Variants in MFSD1 observed in about 807,000 individuals in gnomAD.
The protein encoded by MFSD1 is major facilitator superfamily domain containing 1, also known as lysosomal dipeptide transporter MFSD1.
Under a neutral mutation model 67.1 loss-of-function variants are expected in MFSD1, and 59 were observed. The ratio of observed to expected loss-of-function variants is 0.88; its 90% CI spans 0.71 to 1.09. MFSD1 has a LOEUF of 1.09. MFSD1 is among the 50% of genes least tolerant of loss of function. MFSD1 has a pLI of 0.00. For missense variants in MFSD1, 552 were observed against 566.1 expected (o/e 0.97, Z 0.25); for synonymous variants, 213 against 200.3 (o/e 1.06, Z -0.54).
chr3:158,823,532 AT>A lies in MFSD1; in HGVS notation c.1175+10del. On this transcript the variant is annotated splice_region_variant and intron_variant, in intron 12 of 15. Coordinates refer to ENST00000415822, the MANE Select transcript of MFSD1 (RefSeq NM_022736.4). ...TGGGAACTGCATATGGCTTGTAAGTATTTACGCTGTGGATCGTATATGTCTG... is the reference window on the plus strand; with the variant it reads ...TGGGAACTGCATATGGCTTGTAAGTATTACGCTGTGGATCGTATATGTCTG... 2 of 1,572,682 alleles carry A rather than the reference AT, an allele frequency of 1.3e-6. No individual in the cohort carries two copies. The highest frequency in any genetic ancestry group is 1.8e-6 in the Non-Finnish European group (2 of 1,142,370).
At chr3:158,808,398 AACTT>A (rs1729831367) in intron 5 of MFSD1, among the ~76,000 whole-genome samples, 1 of 152,184 alleles carries the variant, frequency 6.6e-6, no homozygotes, top group African/African-American at 2.4e-5. Context: ...TAAATATTGA[AACTT>A]ACTGAAGGAA....
intron 2 of MFSD1, among the ~76,000 whole-genome samples, chr3:158,804,658 C>T (rs772898667): frequency 7.9e-5 from 12 of 152,112 alleles, no homozygotes; most frequent in Non-Finnish European, 1.8e-4. Context: ...TTTTTGTTTG[C>T]ATTTCACTCT....
chr3:158,807,869 G>C (rs535596830), intron 5 of MFSD1, among the ~76,000 whole-genome samples: 1 of 152,218 alleles, frequency 6.6e-6, no homozygotes, highest in Admixed American at 6.5e-5. Context: ...AGCTTTGCTT[G>C]AATGAGCACA....
At position 158,829,089 on chromosome 3, in the gene MFSD1, GA is replaced by G; in HGVS notation, c.*110del. ...AGTCATTAGAAAAAATAATGGACTGGAAAGTTATATTTATATCCAAATATAC... is the reference window on the plus strand; with the variant it reads ...AGTCATTAGAAAAAATAATGGACTGGAAGTTATATTTATATCCAAATATAC... On this transcript the variant is annotated 3_prime_UTR_variant, in exon 16 of 16. Transcript: ENST00000415822. 1 of 1,074,432 alleles carries G rather than the reference GA, an allele frequency of 9.3e-7. No individual in the cohort carries two copies. 66.6% of individuals were successfully genotyped at this position (1,074,432 alleles called of 1,614,324 possible).
Position 158,810,274 on chromosome 3 carries a change from G to GT in MFSD1, c.549+993dup, listed in dbSNP as rs1403616673. On this transcript the variant is annotated intron_variant, in intron 6 of 15. Transcript: ENST00000415822. The stretch of plus-strand genomic sequence containing the variant: ...TGTTGGCATTCCCAAATCCCATTAG[G>GT]TTTTTTCTCTCAAGAATTCCCATGA... Among the ~76,000 whole-genome samples the GT allele has an allele frequency of 3.3e-5, 5 of 151,940 alleles. No homozygotes were observed. In the South Asian group the frequency reaches 6.2e-4, roughly 19 times the overall value.
intron 13 of MFSD1, among the ~76,000 whole-genome samples, chr3:158,824,704 G>T (rs1416100493): frequency 6.6e-6 from 1 of 152,150 alleles, no homozygotes; most frequent in Admixed American, 6.5e-5. Flanking sequence ...AATAGCATTT[G>T]TCCATAGGTA....
At chr3:158,823,242 A>T in intron 11 of MFSD1, 186 bp from the exon 12 acceptor site, 1 of 577,986 alleles carries the variant, frequency 1.7e-6, no homozygotes, top group Non-Finnish European at 3.1e-6. Flanking sequence ...TCTTGTCGCT[A>T]AAAGGATACT....
chr3:158,823,139 T>A (rs1038591872), intron 11 of MFSD1: 3 of 303,042 alleles, frequency 9.9e-6, no homozygotes, highest in Non-Finnish European at 1.9e-5. Flanking sequence ...TTACCTTTAT[T>A]TTCTTACTTG....
intron 15 of MFSD1, among the ~76,000 whole-genome samples, chr3:158,827,923 A>AGC (rs1559926530): frequency 1.3e-5 from 1 of 79,076 alleles, no homozygotes; most frequent in Non-Finnish European, 2.3e-5. Flanking sequence ...GGGGAGAGAG[A>AGC]GAGAGAGAGA....
At chr3:158,821,514 T>C (rs965391294) in intron 9 of MFSD1, 83 bp from the exon 10 acceptor site, 61 of 893,208 alleles carry the variant, frequency 6.8e-5, no homozygotes, top group Non-Finnish European at 9.6e-5. Flanking sequence ...TGATTAAACT[T>C]GAGTTATTTT....
At chr3:158,820,881 G>A (rs984516619) in intron 9 of MFSD1, among the ~76,000 whole-genome samples, 2 of 152,176 alleles carry the variant, frequency 1.3e-5, no homozygotes, top group African/African-American at 4.8e-5. Context: ...AATTCAAGAT[G>A]AGCTTTGGAT....
chr3:158,821,884 T>C, intron 10 of MFSD1, 100 bp from the exon 11 acceptor site: 1 of 1,260,024 alleles, frequency 7.9e-7, no homozygotes, highest in South Asian at 1.4e-5. Context: ...GAATGTTAAA[T>C]GAGTTAGGAT....
chr3:158,803,442 G>T (rs1271927831), intron 1 of MFSD1, among the ~76,000 whole-genome samples: 11 of 151,778 alleles, frequency 7.2e-5, no homozygotes, highest in Admixed American at 7.2e-4. Context: ...TTAAAGCAGG[G>T]TTTAGAAACA....
chr3:158,825,902 TAGCAATTAA>T (rs1730941284), intron 13 of MFSD1, 104 bp from the exon 14 acceptor site: 1 of 763,308 alleles, frequency 1.3e-6, no homozygotes, highest in South Asian at 1.8e-5. Context: ...TTATTTAAAA[TAGCAATTAA>T]TAAAGGTTTG....
chr3:158,817,279 T>C (rs1212923847), intron 7 of MFSD1, among the ~76,000 whole-genome samples: 1 of 152,132 alleles, frequency 6.6e-6, no homozygotes, highest in African/African-American at 2.4e-5. Flanking sequence ...AAATAAAGGG[T>C]ATTCAATTAG....
At position 158,809,429 on chromosome 3, in the gene MFSD1, T is replaced by A. The variant is rs1729892874; in HGVS notation, c.549+142T>A. The A allele has an allele frequency of 1.1e-5, 6 of 558,804 alleles. No homozygotes were observed. In the South Asian group the frequency reaches 1.6e-4, roughly 15 times the overall value. 34.6% of individuals were successfully genotyped at this position (558,804 alleles called of 1,614,324 possible). ...TTATGGATTTCTCTAGAACACAGCA[T>A]GGCATTTACCTTGAGTAAAGCATTT... On this transcript the variant is annotated intron_variant, in intron 6 of 15. Transcript: ENST00000415822.
chr3:158,808,376 G>A (rs1393475337), intron 5 of MFSD1, among the ~76,000 whole-genome samples: 1 of 152,166 alleles, frequency 6.6e-6, no homozygotes, highest in Non-Finnish European at 1.5e-5. Flanking sequence ...GAAGGCCCTT[G>A]GAGGAGAATC....
chr3:158,807,788 A>G (rs1233982265), intron 5 of MFSD1, among the ~76,000 whole-genome samples: 1 of 152,248 alleles, frequency 6.6e-6, no homozygotes, highest in East Asian at 1.9e-4. Context: ...ATCGATTTCT[A>G]GGTTGGTGAC....
At chr3:158,824,090 A>G in intron 12 of MFSD1, 34 bp from the exon 13 acceptor site, 1 of 1,493,566 alleles carries the variant, frequency 6.7e-7, no homozygotes, top group Non-Finnish European at 9.3e-7. Flanking sequence ...GACTTTTGAA[A>G]ATGAAATGTG....
Sources: allele counts gnomAD v4.1 joint callset (sites outside exome capture counted in the v4.1 genomes callset), GRCh38; gene constraint gnomAD v4.1.1; transcripts MANE v1.5; gene names NCBI Gene and HGNC (gene_info 2026-07-23, HGNC 2026-07-21).